The following NKAIN2 variants were observed in gnomAD, a reference collection of about 807,000 sequenced individuals.
The protein encoded by NKAIN2 is sodium/potassium transporting ATPase interacting 2.
Under a neutral mutation model 32.6 loss-of-function variants are expected in NKAIN2, and 14 were observed. The ratio of observed to expected loss-of-function variants is 0.43; its 90% CI spans 0.28 to 0.67. NKAIN2 has a LOEUF of 0.67. Among genes scored for constraint, NKAIN2 ranks in the 30% least tolerant of loss-of-function variants. NKAIN2 has a pLI of 0.17. For synonymous variants in NKAIN2, 80 were observed against 87.2 expected, an observed-to-expected ratio of 0.92 and a Z score of 0.46; for missense variants, 198 against 258.3, an observed-to-expected ratio of 0.77 and a Z score of 1.60.
chr6:123,861,617 A>G (rs1458581654), intron 1 of NKAIN2, among the ~76,000 whole-genome samples: 1 of 152,182 alleles, frequency 6.6e-6, no homozygotes, highest in Non-Finnish European at 1.5e-5. Flanking sequence ...TCGTCTCTCT[A>G]ATTCTGTCAT....
intron 1 of NKAIN2, among the ~76,000 whole-genome samples, chr6:124,015,395 G>A (rs1368117275): frequency 2.0e-5 from 3 of 152,080 alleles, no homozygotes; most frequent in South Asian, 4.1e-4. Context: ...AAATCATATT[G>A]ATTTTTCTGA....
chr6:124,468,429 C>A (rs1291496692), intron 3 of NKAIN2, among the ~76,000 whole-genome samples: 1 of 152,048 alleles, frequency 6.6e-6, no homozygotes, highest in Non-Finnish European at 1.5e-5. Context: ...ATCAAGATTT[C>A]AAGGCAGAGT....
intron 3 of NKAIN2, among the ~76,000 whole-genome samples, chr6:124,622,731 G>A (rs1007630744): frequency 3.9e-5 from 6 of 152,140 alleles, no homozygotes; most frequent in African/African-American, 1.2e-4. Flanking sequence ...TCTTCCCCCG[G>A]AGTTGAGCCA....
intron 1 of NKAIN2, among the ~76,000 whole-genome samples, chr6:124,087,355 A>G (rs1030730435): frequency 1.3e-5 from 2 of 151,976 alleles, no homozygotes. Flanking sequence ...TTTCACTAAT[A>G]TCAGAAAAAA....
chr6:124,810,564 C>T (rs996266137), intron 5 of NKAIN2, among the ~76,000 whole-genome samples: 5 of 152,016 alleles, frequency 3.3e-5, no homozygotes, highest in Non-Finnish European at 7.4e-5. Flanking sequence ...AGCACACCAG[C>T]ATGTCACATG....
At chr6:124,299,133 AAT>A (rs1796189883) in intron 2 of NKAIN2, among the ~76,000 whole-genome samples, 5 of 152,204 alleles carry the variant, frequency 3.3e-5, no homozygotes, top group Admixed American at 1.3e-4. Context: ...CTACTCAGAG[AAT>A]CCAAGGCTTC....
chr6:124,518,943 C>T (rs1481608053), intron 3 of NKAIN2, among the ~76,000 whole-genome samples: 1 of 152,144 alleles, frequency 6.6e-6, no homozygotes, highest in Non-Finnish European at 1.5e-5. Context: ...ACCATTCACT[C>T]CACAAACATT....
intron 5 of NKAIN2, among the ~76,000 whole-genome samples, chr6:124,802,105 G>T (rs1035185501): frequency 1.3e-5 from 2 of 152,122 alleles, no homozygotes; most frequent in African/African-American, 2.4e-5. Flanking sequence ...CATTTCTGGA[G>T]GCTGTAAAAT....
At chr6:124,172,182 AC>A (rs1219354190) in intron 1 of NKAIN2, among the ~76,000 whole-genome samples, 1 of 152,128 alleles carries the variant, frequency 6.6e-6, no homozygotes, top group African/African-American at 2.4e-5. Flanking sequence ...GAATATTTTA[AC>A]TTTTTAATTC....
At position 124,658,276 on chromosome 6, in the gene NKAIN2, C is replaced by T. The variant is rs745775798; in HGVS notation, c.364C>T (p.Pro122Ser). ...AGGATGTACGGTGACGTCAGTGACA[C>T]CTGCCCCAGACTGGGCCCCAGAAGA... ...GPGCTVTSVT[P>S]APDWAPEDHR... The change falls in exon 4 of 7, where the codon CCT becomes TCT. Residue 122 changes from proline to serine, a missense_variant. Transcript: ENST00000368417. The T allele has an allele frequency of 1.2e-6, 2 of 1,614,056 alleles. No homozygotes were observed. Among genetic ancestry groups the T allele is most frequent in the Non-Finnish European group, 1.7e-6 (2 of 1,179,924 alleles).
chr6:124,269,277 A>C (rs1306218896), intron 1 of NKAIN2, among the ~76,000 whole-genome samples: 1 of 152,120 alleles, frequency 6.6e-6, no homozygotes, highest in African/African-American at 2.4e-5. Flanking sequence ...GCATCTCCGT[A>C]TCTGTGTTGA....
intron 3 of NKAIN2, among the ~76,000 whole-genome samples, chr6:124,657,628 A>G (rs1387046517): frequency 6.6e-6 from 1 of 152,226 alleles, no homozygotes; most frequent in East Asian, 1.9e-4. Context: ...TTGAAGAGAC[A>G]CTGATTTGCC....
intron 2 of NKAIN2, among the ~76,000 whole-genome samples, chr6:124,296,136 C>T (rs1796043025): frequency 1.3e-5 from 2 of 152,082 alleles, no homozygotes; most frequent in Admixed American, 6.6e-5. Context: ...ACCTTGGATG[C>T]AAATTTCTTC....
rs542242354 is a variant in NKAIN2, at chr6:124,159,775, G to A, written c.55-123230G>A. Reference sequence around the variant, plus strand: ...AACCCAAGCGCAAGAGGCTACTTTTGCATGCCAAATGCCAGTTATGTAGAT... The same window carrying A: ...AACCCAAGCGCAAGAGGCTACTTTTACATGCCAAATGCCAGTTATGTAGAT... On this transcript the variant is annotated intron_variant, in intron 1 of 6. Transcript: ENST00000368417. Among the ~76,000 whole-genome samples, 14 of 152,246 alleles carry A rather than the reference G, an allele frequency of 9.2e-5. No individual in the cohort carries two copies. In the East Asian group the frequency reaches 2.5e-3, roughly 27 times the overall value.
At chr6:124,434,386 C>G (rs1428760353) in intron 3 of NKAIN2, among the ~76,000 whole-genome samples, 1 of 152,024 alleles carries the variant, frequency 6.6e-6, no homozygotes, top group Non-Finnish European at 1.5e-5. Context: ...TCTAAAATCT[C>G]TTGTGGGAAG....
intron 1 of NKAIN2, among the ~76,000 whole-genome samples, chr6:123,941,464 CAT>C (rs1776818977): frequency 6.6e-6 from 1 of 151,846 alleles, no homozygotes; most frequent in South Asian, 2.1e-4. Context: ...ACCACAAACA[CAT>C]GAGTAATGCC....
intron 4 of NKAIN2, among the ~76,000 whole-genome samples, chr6:124,769,058 A>C (rs1778636665): frequency 6.6e-6 from 1 of 152,172 alleles, no homozygotes; most frequent in Non-Finnish European, 1.5e-5. Flanking sequence ...ACAGTTTCTA[A>C]ATTGAGTGTC....
At chr6:124,108,350 A>G (rs558605141) in intron 1 of NKAIN2, among the ~76,000 whole-genome samples, 75 of 152,206 alleles carry the variant, frequency 4.9e-4, no homozygotes, top group Non-Finnish European at 8.7e-4. Flanking sequence ...TCCTTTGCCC[A>G]TATTTTACTT....
intron 3 of NKAIN2, among the ~76,000 whole-genome samples, chr6:124,368,273 G>A (rs928024432): frequency 1.1e-4 from 17 of 152,030 alleles, no homozygotes; most frequent in Admixed American, 1.0e-3. Flanking sequence ...TACTCTTGTG[G>A]TTAAAACAAT....
Sources: allele counts gnomAD v4.1 joint callset (sites outside exome capture counted in the v4.1 genomes callset), GRCh38; gene constraint gnomAD v4.1.1; transcripts MANE v1.5; gene names NCBI Gene and HGNC (gene_info 2026-07-23, HGNC 2026-07-21).